The following PDZD2 variants were observed in gnomAD, a reference collection of about 807,000 sequenced individuals.
PDZD2 encodes PDZ domain containing 2, also known as PDZ domain-containing protein 2.
Under a neutral mutation model 220.7 loss-of-function variants are expected in PDZD2, and 90 were observed. The observed-to-expected ratio is 0.41, with a 90% CI of 0.34 to 0.49. PDZD2 has a LOEUF of 0.49. PDZD2 is among the 20% of genes least tolerant of loss of function. PDZD2 has a pLI of 0.28. For missense variants in PDZD2, 3,174 were observed against 3,608.5 expected (o/e 0.88, Z 3.08); for synonymous variants, 1,375 against 1,450.5 (o/e 0.95, Z 1.18).
intron 2 of PDZD2, among the ~76,000 whole-genome samples, chr5:31,898,808 C>CTTTTTTTTTTTTTTTTTTTT (rs35589628): frequency 7.3e-5 from 9 of 123,454 alleles, no homozygotes; most frequent in East Asian, 4.8e-4. Flanking sequence ...AGCCTCTCTT[C>CTTTTTTTTTTTTTTTTTTTT]TTTTTTTTTT....
chr5:31,756,881 C>T (rs1320265800), intron 1 of PDZD2, among the ~76,000 whole-genome samples: 4 of 152,232 alleles, frequency 2.6e-5, no homozygotes, highest in Non-Finnish European at 5.9e-5. Flanking sequence ...ATGAGGAATC[C>T]AGTTAATTAA....
chr5:31,732,642 C>T (rs1206032981), intron 1 of PDZD2, among the ~76,000 whole-genome samples: 1 of 152,200 alleles, frequency 6.6e-6, no homozygotes, highest in Non-Finnish European at 1.5e-5. Context: ...TTGGAGAAGG[C>T]CATTTCTAAG....
At chr5:31,857,154 A>C (rs933735179) in intron 2 of PDZD2, among the ~76,000 whole-genome samples, 2 of 151,982 alleles carry the variant, frequency 1.3e-5, no homozygotes, top group Non-Finnish European at 2.9e-5. Flanking sequence ...CTCAGCCTCA[A>C]CTTCCACTTC....
intron 1 of PDZD2, among the ~76,000 whole-genome samples, chr5:31,733,024 C>T (rs527845944): frequency 7.2e-5 from 11 of 152,128 alleles, no homozygotes; most frequent in Admixed American, 6.5e-5. Flanking sequence ...CCACCGCGCC[C>T]GGCCGGGAGC....
At chr5:31,812,771 G>A (rs1755198039) in intron 2 of PDZD2, among the ~76,000 whole-genome samples, 2 of 152,122 alleles carry the variant, frequency 1.3e-5, no homozygotes, top group Non-Finnish European at 2.9e-5. Context: ...ACAGAGATGA[G>A]GGTCTCACTA....
intron 1 of PDZD2, among the ~76,000 whole-genome samples, chr5:31,793,580 G>A (rs1380616435): frequency 1.3e-5 from 2 of 152,162 alleles, no homozygotes; most frequent in African/African-American, 4.8e-5. Context: ...GCTGAGGCGG[G>A]CGAATCACTT....
chr5:32,080,378 GTGA>G (rs1561530701), intron 19 of PDZD2, among the ~76,000 whole-genome samples: 17 of 147,344 alleles, frequency 1.2e-4, no homozygotes, highest in African/African-American at 4.0e-4. Flanking sequence ...AAAGTGGGGG[GTGA>G]GGGGTTTCTA....
rs1173519567 is a variant in PDZD2 at position 32,077,458 on chromosome 5, C to T, written c.3538-4C>T. On this transcript the variant is annotated splice_polypyrimidine_tract_variant and splice_region_variant and intron_variant, in intron 18 of 24. Transcript: ENST00000438447. Reference sequence around the variant, plus strand: ...CAAGTGGCTTGTGGTTGTCATTGTGCCAGGAATCTCTGGGAAAGCTGACCA... The same window carrying T: ...CAAGTGGCTTGTGGTTGTCATTGTGTCAGGAATCTCTGGGAAAGCTGACCA... 2 of 1,613,304 alleles carry T rather than the reference C, an allele frequency of 1.2e-6. No homozygotes were observed. The highest frequency in any genetic ancestry group is 1.7e-6 in the Non-Finnish European group (2 of 1,179,882).
Position 31,799,593 on chromosome 5 carries a change from T to A in PDZD2, c.345T>A (p.Asp115Glu), listed in dbSNP as rs753091831. ...KRKTHQGPVLDVGCIWVTELR... is the reference protein window; with the variant it reads ...KRKTHQGPVLEVGCIWVTELR... ...AAACCCACCAGGGTCCTGTGCTGGA[T>A]GTGGGCTGCATCTGGGTGACAGAGC... Residue 115 changes from aspartate (D) to glutamate (E), a missense_variant, in exon 2 of 25, where the codon GAT (aspartate) becomes GAA (glutamate). Physicochemically the swap from Asp to Glu is conservative, Grantham distance 45. Transcript: ENST00000438447. 8.1e-6 allele frequency: 13 copies of A among 1,614,110 alleles called. No homozygotes were observed. Among genetic ancestry groups the A allele is most frequent in the Non-Finnish European group, 1.1e-5 (13 of 1,180,012 alleles).
chr5:31,976,459 G>A (rs1749772984), intron 2 of PDZD2, among the ~76,000 whole-genome samples: 1 of 152,158 alleles, frequency 6.6e-6, no homozygotes, highest in Non-Finnish European at 1.5e-5. Context: ...GTGACTATTA[G>A]CAGCTAGTAC....
At chr5:31,871,371 A>C (rs1328244676) in intron 2 of PDZD2, among the ~76,000 whole-genome samples, 1 of 152,206 alleles carries the variant, frequency 6.6e-6, no homozygotes, top group Non-Finnish European at 1.5e-5. Flanking sequence ...AATTTTATAG[A>C]AAGTGCATGT....
At position 32,060,984 on chromosome 5, in the gene PDZD2, T is replaced by C. The variant is rs775338057; in HGVS notation, c.2319-18T>C. 5 of 1,613,808 alleles carry C rather than the reference T, an allele frequency of 3.1e-6. No individual in the cohort carries two copies. Reference sequence around the variant, plus strand: ...GCTGGCTGCTAACACAGAGTGTGGATTCTGTTGCCCTCCCTAGCCGCGGGG... The same window carrying C: ...GCTGGCTGCTAACACAGAGTGTGGACTCTGTTGCCCTCCCTAGCCGCGGGG... On this transcript the variant is annotated intron_variant, in intron 13 of 24. Transcript: ENST00000438447.
chr5:31,722,059 G>A (rs919513746), intron 1 of PDZD2, among the ~76,000 whole-genome samples: 4 of 152,010 alleles, frequency 2.6e-5, no homozygotes, highest in Non-Finnish European at 5.9e-5. Context: ...CTTCTCCCCA[G>A]GTGCACTGCT....
chr5:31,812,090 G>C (rs1165969907), intron 2 of PDZD2, among the ~76,000 whole-genome samples: 2 of 152,042 alleles, frequency 1.3e-5, no homozygotes. Context: ...GGCAAGTCTG[G>C]GTTTTTCCCT....
At chr5:31,885,380 G>A (rs1023605926) in intron 2 of PDZD2, among the ~76,000 whole-genome samples, 3 of 152,094 alleles carry the variant, frequency 2.0e-5, no homozygotes, top group African/African-American at 7.2e-5. Context: ...CACGTCACAG[G>A]TATTTTGTCA....
At chr5:31,733,811 C>T (rs1212821441) in intron 1 of PDZD2, among the ~76,000 whole-genome samples, 3 of 152,208 alleles carry the variant, frequency 2.0e-5, no homozygotes, top group Admixed American at 2.0e-4. Flanking sequence ...TCCTCTCACT[C>T]AACACAACAC....
chr5:31,685,976 G>T (rs947190346), intron 1 of PDZD2, among the ~76,000 whole-genome samples: 1 of 152,076 alleles, frequency 6.6e-6, no homozygotes, highest in Non-Finnish European at 1.5e-5. Context: ...CAAGGTGGGC[G>T]GATCACAGGT....
chr5:31,685,431 A>G (rs1746815210), intron 1 of PDZD2, among the ~76,000 whole-genome samples: 1 of 152,238 alleles, frequency 6.6e-6, no homozygotes, highest in South Asian at 2.1e-4. Context: ...TGAAAAGAGT[A>G]AAATGAACCT....
At chr5:32,070,130 A>T in intron 15 of PDZD2, among the ~76,000 whole-genome samples, 1 of 152,170 alleles carries the variant, frequency 6.6e-6, no homozygotes, top group East Asian at 1.9e-4. Context: ...GATAGTAGGA[A>T]TTTCATATGA....
Sources: gnomAD v4.1 joint callset for allele counts (sites outside exome capture counted in the v4.1 genomes callset) on GRCh38, gnomAD v4.1.1 for gene constraint, MANE v1.5 for transcripts, NCBI Gene and HGNC (gene_info 2026-07-23, HGNC 2026-07-21) for gene names.